Variants in KRT77 observed in about 807,000 individuals in gnomAD.
KRT77 encodes the protein keratin, type II cytoskeletal 1b.
A neutral mutation model predicts 51.5 loss-of-function variants in KRT77; 44 were observed. The observed-to-expected ratio is 0.85, with a 90% confidence interval of 0.67 to 1.10. The LOEUF (loss-of-function observed/expected upper bound fraction) is 1.10, where lower values mean the gene tolerates loss of function less well. Among genes scored for constraint, KRT77 ranks in the 50% least tolerant of loss-of-function variants. KRT77 has a pLI of 0.00. For synonymous variants in KRT77, 293 were observed against 302.0 expected (o/e 0.97, Z 0.31); for missense variants, 763 against 743.9 (o/e 1.03, Z -0.30).
In KRT77 at chr12:52,691,037, T is replaced by G; in HGVS notation, c.*128A>C. The G allele has an allele frequency of 7.2e-7, 1 of 1,395,954 alleles. No homozygotes were observed. The highest frequency in any genetic ancestry group is 9.9e-7 in the Non-Finnish European group (1 of 1,006,144). 86.5% of individuals were successfully genotyped at this position (1,395,954 alleles called of 1,614,324 possible). A position where few individuals can be genotyped will look rare whatever the true frequency, so the allele number is the denominator to read the frequency against. On this transcript the variant is annotated 3_prime_UTR_variant, in exon 9 of 9. Transcript: ENST00000341809. ...CCCTGCTTCCCCCATTAGAGTCGAATTTATTGGCAAAATTGCTGAGACCCA... is the reference window on the plus strand; with the variant it reads ...CCCTGCTTCCCCCATTAGAGTCGAAGTTATTGGCAAAATTGCTGAGACCCA...
Position 52,692,589 on chromosome 12 carries a change from G to A in KRT77, c.1259C>T (p.Ala420Val), listed in dbSNP as rs763785281. 8 of 1,531,684 alleles carry A rather than the reference G, an allele frequency of 5.2e-6. No individual in the cohort carries two copies. In the East Asian group the frequency reaches 1.1e-4, roughly 21 times the overall value. The allele number at this position is 1,531,684 out of a possible 1,614,324, so 94.9% of individuals were successfully genotyped here. A position where few individuals can be genotyped will look rare whatever the true frequency, so the allele number is the denominator to read the frequency against. The change falls in exon 7 of 9, where the codon GCC becomes GTC. Residue 420 changes from alanine (A) to valine (V), a missense_variant. Transcript: ENST00000341809. ...CAGCTTCTGCCACGCATCCTGGAGG[G>A]CCTGCTCGCCTCTCTCCTCAGCATC... ...ISDAEERGEQ[A>V]LQDAWQKLQD... is the part of the protein sequence containing the mutation.
chr12:52,694,469 C>T (rs150494930), intron 5 of KRT77, among the ~76,000 whole-genome samples, 157 bp downstream of exon 5: 2 of 152,240 alleles, frequency 1.3e-5, no homozygotes, highest in East Asian at 1.9e-4. Context: ...ATATTAATAG[C>T]GGTAGTGAGA....
intron 2 of KRT77, 86 bp from the exon 3 acceptor site, chr12:52,696,516 T>C (rs1002553550): frequency 1.7e-5 from 19 of 1,128,206 alleles, no homozygotes; most frequent in Non-Finnish European, 1.9e-5. Context: ...AAGCTTGGAA[T>C]TCCCCAAACA....
chr12:52,692,012 C>T (rs761742468), intron 7 of KRT77, 40 bp from the exon 8 acceptor site: 24 of 1,608,904 alleles, frequency 1.5e-5, no homozygotes, highest in Non-Finnish European at 2.0e-5. Context: ...ACCCACAGGG[C>T]CTGAGGAGAG....
chr12:52,698,102 C>A (rs1190179575), intron 1 of KRT77: 4 of 1,475,632 alleles, frequency 2.7e-6, no homozygotes, highest in Admixed American at 2.0e-5. Context: ...GGTCAACTTG[C>A]CTAAAATTGA....
Position 52,698,447 on chromosome 12 carries a change from T to C in KRT77, c.544-551A>G, listed in dbSNP as rs546457726. On this transcript the variant is annotated intron_variant, in intron 1 of 8. Coordinates refer to ENST00000341809, the MANE Select transcript of KRT77 (RefSeq NM_175078.3). Reference sequence around the variant, plus strand: ...GGAAAGTAACTCATTTAAATGCTTTTATAATGCAGACAGAATTTTTAAGGC... The same window carrying C: ...GGAAAGTAACTCATTTAAATGCTTTCATAATGCAGACAGAATTTTTAAGGC... Among the ~76,000 whole-genome samples the C allele has an allele frequency of 4.8e-4, 73 of 152,340 alleles. 1 individual carries two copies. The highest frequency in any genetic ancestry group is 4.4e-5 in the Non-Finnish European group (3 of 68,022).
intron 3 of KRT77, 143 bp downstream of exon 3, chr12:52,696,227 A>C (rs958669069): frequency 1.4e-6 from 1 of 722,860 alleles, no homozygotes; most frequent in Non-Finnish European, 2.5e-6. Flanking sequence ...GTTCCAATGT[A>C]AGGGCCCCGC....
In KRT77 at chr12:52,703,378, A is replaced by T; in HGVS notation, c.57T>A (p.Tyr19Ter). 1 of 1,612,904 alleles carries T rather than the reference A, an allele frequency of 6.2e-7. No homozygotes were observed. Among genetic ancestry groups the T allele is most frequent in the Non-Finnish European group, 8.5e-7 (1 of 1,179,248 alleles). The change falls in exon 1 of 9, where the codon TAT becomes TAA. Residue 19 changes from tyrosine to a stop codon, truncating the protein, a stop_gained. Coordinates refer to ENST00000341809, the MANE Select transcript of KRT77 (RefSeq NM_175078.3). LOFTEE classifies it high-confidence loss of function. The part of the protein sequence containing the change: ...SAFSSMSRRV[Y>*]STSSSAGSGG... ...CAGAGCCTGCAGAAGAGCTGGTACTATAAACCCGCCTGCTCATTGAACTAA... is the reference window on the plus strand; with the variant it reads ...CAGAGCCTGCAGAAGAGCTGGTACTTTAAACCCGCCTGCTCATTGAACTAA...
At position 52,692,609 on chromosome 12, in the gene KRT77, A is replaced by T. The variant is rs368607085; in HGVS notation, c.1239T>A (p.Ala413=). 76 of 1,539,948 alleles carry T rather than the reference A, an allele frequency of 4.9e-5. 5 individuals carry two copies. Among genetic ancestry groups the T allele is most frequent in the Middle Eastern group, 3.5e-4 (2 of 5,726 alleles). The change falls in exon 7 of 9, where the codon GCT becomes GCA. Residue 413 remains alanine, a synonymous_variant. Coordinates refer to ENST00000341809, the MANE Select transcript of KRT77 (RefSeq NM_175078.3). ...IEQMQSLISD[A]EERGEQALQD... ...GGAGGGCCTGCTCGCCTCTCTCCTC[A>T]GCATCCGAAATGAGTGACTGCATCT... is the stretch of plus-strand genomic sequence containing the variant.
At chr12:52,702,808 G>T (rs115736510) in intron 1 of KRT77, 84 bp downstream of exon 1, 3 of 1,379,128 alleles carry the variant, frequency 2.2e-6, no homozygotes, top group African/African-American at 1.4e-5. Context: ...GAAACAGCAC[G>T]ATGTGGTGAG....
chr12:52,703,166 C>G lies in KRT77; in HGVS notation c.269G>C (p.Gly90Ala), dbSNP rs1941910277. The G allele has an allele frequency of 1.9e-6, 3 of 1,590,580 alleles. No homozygotes were observed. The highest frequency in any genetic ancestry group is 2.7e-5 in the African/African-American group (2 of 74,068). ...SGFCQGGGVGGFGGGRGFGVG... is the reference protein window; with the variant it reads ...SGFCQGGGVGAFGGGRGFGVG... ...CCCAAAGCCTCTGCCCCCTCCAAAT[C>G]CCCCTACTCCCCCACCCTGGCAGAA... Residue 90 changes from glycine (G) to alanine (A), a missense_variant, in exon 1 of 9, where the codon GGA (glycine) becomes GCA (alanine). By Grantham distance (60) the Gly-to-Ala change is moderately conservative. Coordinates refer to ENST00000341809, the MANE Select transcript of KRT77 (RefSeq NM_175078.3).
At chr12:52,692,153 T>C (rs1941720201) in intron 7 of KRT77, among the ~76,000 whole-genome samples, 181 bp from the exon 8 acceptor site, 2 of 152,204 alleles carry the variant, frequency 1.3e-5, no homozygotes, top group East Asian at 1.9e-4. Context: ...CCTTTTAGCA[T>C]TGGGGGTGAA....
chr12:52,699,339 G>T (rs575762916), intron 1 of KRT77, among the ~76,000 whole-genome samples: 4 of 152,304 alleles, frequency 2.6e-5, no homozygotes, highest in Admixed American at 2.6e-4. Flanking sequence ...GGGTGCTCTG[G>T]CTTTAGCCCA....
chr12:52,698,806 A>T (rs1370079016), intron 1 of KRT77, among the ~76,000 whole-genome samples: 1 of 152,238 alleles, frequency 6.6e-6, no homozygotes, highest in African/African-American at 2.4e-5. Context: ...GCTCGGCCGC[A>T]TGCAGGCGCA....
chr12:52,699,204 G>A (rs1254725779), intron 1 of KRT77, among the ~76,000 whole-genome samples: 1 of 152,174 alleles, frequency 6.6e-6, no homozygotes, highest in Non-Finnish European at 1.5e-5. Flanking sequence ...AGGGAGTGAA[G>A]AAATCAATTC....
intron 7 of KRT77, 33 bp downstream of exon 7, chr12:52,692,388 C>A: frequency 6.2e-7 from 1 of 1,610,592 alleles, no homozygotes; most frequent in Non-Finnish European, 8.5e-7. Context: ...GCATCTCAAG[C>A]CTTAGCCCCA....
At chr12:52,702,489 G>A (rs1941897714) in intron 1 of KRT77, among the ~76,000 whole-genome samples, 1 of 149,216 alleles carries the variant, frequency 6.7e-6, no homozygotes, top group African/African-American at 2.5e-5. Context: ...CGGAAGGGTG[G>A]ATAGTTGGGT....
At position 52,691,393 on chromosome 12, in the gene KRT77, G is replaced by A. The variant is rs746466131; in HGVS notation, c.1509C>T (p.Gly503=). The A allele has an allele frequency of 6.3e-6, 10 of 1,599,940 alleles. No homozygotes were observed. Among genetic ancestry groups the A allele is most frequent in the East Asian group, 2.2e-5 (1 of 44,726 alleles). Residue 503 remains glycine (G), a synonymous_variant, in exon 9 of 9, where the codon GGC becomes GGT. Transcript: ENST00000341809. The stretch of plus-strand genomic sequence containing the variant: ...CGTAGCCTCCTGAGCCGTAGCTGCC[G>A]CCGCCTCCCGCGCCGCCGTTGACGC... ...QVSVNGGAGG[G]GSYGSGGYGG...
chr12:52,703,515 T>G lies in KRT77; in HGVS notation c.-81A>C. 6 of 1,213,838 alleles carry G rather than the reference T, an allele frequency of 4.9e-6. No homozygotes were observed. Among genetic ancestry groups the G allele is most frequent in the Non-Finnish European group, 6.9e-6 (6 of 875,862 alleles). The allele number at this position is 1,213,838 out of a possible 1,614,324, so 75.2% of individuals were successfully genotyped here. On this transcript the variant is annotated 5_prime_UTR_variant, in exon 1 of 9. Coordinates refer to ENST00000341809, the MANE Select transcript of KRT77 (RefSeq NM_175078.3). ...CAGAGACCAGAGAGGAAAGGAGCTCTGACTCCTTTGAAAAGATCTGGCTCC... is the reference window on the plus strand; with the variant it reads ...CAGAGACCAGAGAGGAAAGGAGCTCGGACTCCTTTGAAAAGATCTGGCTCC...
Sources: gnomAD v4.1 joint callset for allele counts (sites outside exome capture counted in the v4.1 genomes callset) on GRCh38, gnomAD v4.1.1 for gene constraint, MANE v1.5 for transcripts, NCBI Gene and HGNC (gene_info 2026-07-23, HGNC 2026-07-21) for gene names.